The following PTPRD variants were observed in gnomAD, a reference collection of about 807,000 sequenced individuals.
The protein encoded by PTPRD is receptor-type tyrosine-protein phosphatase delta.
PTPRD carries 34 observed loss-of-function variants against 214.5 expected under a neutral mutation model. The ratio of observed to expected loss-of-function variants is 0.16; its 90% confidence interval spans 0.12 to 0.21. The LOEUF (loss-of-function observed/expected upper bound fraction) is 0.21. PTPRD is among the 10% of genes least tolerant of loss of function. The pLI, the probability that PTPRD is intolerant of heterozygous loss-of-function variation, is 1.00. For missense variants in PTPRD, 2,545 were observed against 2,398.7 expected, an observed-to-expected ratio of 1.06 and a Z score of -1.27; for synonymous variants, 1,128 against 845.7, an observed-to-expected ratio of 1.33 and a Z score of -5.79.
At chr9:10,373,662 G>T (rs918821746) in intron 2 of PTPRD, among the ~76,000 whole-genome samples, 1 of 151,950 alleles carries the variant, frequency 6.6e-6, no homozygotes, top group African/African-American at 2.4e-5. Context: ...GATGATCTTT[G>T]CCTCAATTTC....
rs1015873780 is a variant in PTPRD at position 9,902,211 on chromosome 9, A to G, written c.-368+36296T>C. ...TGTGTACGTGCATCAGCGCCCATGC[A>G]TGAATGTCTGTGCTCTCTATTTCTT... On this transcript the variant is annotated intron_variant, in intron 5 of 45. Transcript: ENST00000381196. Among the ~76,000 whole-genome samples, 22 of 127,830 alleles carry G rather than the reference A, an allele frequency of 1.7e-4. 1 individual carries two copies. Among genetic ancestry groups the G allele is most frequent in the Non-Finnish European group, 1.7e-5 (1 of 60,522 alleles). 83.9% of individuals were successfully genotyped at this position (127,830 alleles called of 152,430 possible).
intron 8 of PTPRD, among the ~76,000 whole-genome samples, chr9:9,561,507 G>A (rs998397498): frequency 2.0e-5 from 3 of 152,132 alleles, no homozygotes; most frequent in African/African-American, 7.2e-5. Context: ...AATGGCCACT[G>A]ATTTATCATC....
intron 5 of PTPRD, among the ~76,000 whole-genome samples, chr9:9,905,005 G>C (rs759767730): frequency 6.6e-6 from 1 of 151,924 alleles, no homozygotes; most frequent in Admixed American, 6.6e-5. Context: ...TCCTAAATAT[G>C]CAAATCAGTG....
intron 5 of PTPRD, among the ~76,000 whole-genome samples, chr9:9,831,123 T>C (rs1565594864): frequency 6.6e-6 from 1 of 151,904 alleles, no homozygotes; most frequent in African/African-American, 2.4e-5. Flanking sequence ...GTAGCACTGA[T>C]GTCGTCATTA....
At chr9:9,121,563 A>C (rs888613792) in intron 10 of PTPRD, among the ~76,000 whole-genome samples, 1 of 152,174 alleles carries the variant, frequency 6.6e-6, no homozygotes, top group Non-Finnish European at 1.5e-5. Flanking sequence ...AAGTGAAGTA[A>C]CTCAAGAATG....
At chr9:10,079,215 G>A (rs1303066934) in intron 3 of PTPRD, among the ~76,000 whole-genome samples, 1 of 152,050 alleles carries the variant, frequency 6.6e-6, no homozygotes, top group East Asian at 1.9e-4. Context: ...ATGTTTCCAG[G>A]TTAAGGTTGT....
chr9:8,886,225 A>G (rs947148094), intron 11 of PTPRD, among the ~76,000 whole-genome samples: 1 of 152,166 alleles, frequency 6.6e-6, no homozygotes, highest in African/African-American at 2.4e-5. Flanking sequence ...TTTCATACAG[A>G]TGTTCAGTGT....
chr9:8,425,969 A>G (rs2094637797), intron 35 of PTPRD, among the ~76,000 whole-genome samples: 1 of 152,216 alleles, frequency 6.6e-6, no homozygotes, highest in African/African-American at 2.4e-5. Context: ...AGTTCTTCAT[A>G]ATTACCCTCC....
At chr9:9,851,004 C>T (rs1423031157) in intron 5 of PTPRD, among the ~76,000 whole-genome samples, 11 of 152,126 alleles carry the variant, frequency 7.2e-5, no homozygotes, top group South Asian at 6.2e-4. Context: ...CACCTGCTAG[C>T]TATGTGATTT....
At chr9:9,482,351 C>G (rs73641304) in intron 8 of PTPRD, among the ~76,000 whole-genome samples, 134 of 152,250 alleles carry the variant, frequency 8.8e-4, no homozygotes, top group African/African-American at 3.0e-3. Flanking sequence ...TACTTTGATT[C>G]AACAATATCT....
chr9:9,705,135 T>C (rs1395211019), intron 7 of PTPRD, among the ~76,000 whole-genome samples: 3 of 152,190 alleles, frequency 2.0e-5, no homozygotes, highest in African/African-American at 7.2e-5. Flanking sequence ...TCATCCTACA[T>C]ACTTGGCTGA....
chr9:9,517,636 TTACAAAGTATAACAAATGA>T (rs1201417394), intron 8 of PTPRD, among the ~76,000 whole-genome samples: 4 of 152,066 alleles, frequency 2.6e-5, no homozygotes, highest in Admixed American at 2.6e-4. Flanking sequence ...AGAATCCAAT[TTACAAAGTATAACAAATGA>T]GGTCATATTG....
In PTPRD at chr9:10,184,586, G is replaced by A. The variant is rs144947053; in HGVS notation, c.-544-150796C>T. Among the ~76,000 whole-genome samples, 360 of 152,210 alleles carry A rather than the reference G, an allele frequency of 2.4e-3. 1 individual carries two copies. Among genetic ancestry groups the A allele is most frequent in the African/African-American group, 8.3e-3 (345 of 41,534 alleles). On this transcript the variant is annotated intron_variant, in intron 3 of 45. Transcript: ENST00000381196. ...GGTAAACGTTTGTTATACTTTGATA[G>A]CAATTCGTTATTTAAATAAAGGTTT...
At chr9:8,353,928 GTGTGTGTACATATATATATATATATATA>G (rs2076286583) in intron 39 of PTPRD, among the ~76,000 whole-genome samples, 1 of 105,884 alleles carries the variant, frequency 9.4e-6, no homozygotes, top group African/African-American at 4.9e-5. Context: ...GTATATATAT[GTGTGTGTACATATATATATATATATATA>G]TATATATGTT....
chr9:10,034,387 T>G (rs897788750), intron 3 of PTPRD, among the ~76,000 whole-genome samples: 6 of 150,282 alleles, frequency 4.0e-5, no homozygotes, highest in Non-Finnish European at 8.9e-5. Context: ...TCTCGCACTC[T>G]GTCTCAGCTC....
intron 12 of PTPRD, among the ~76,000 whole-genome samples, chr9:8,703,542 T>C (rs1280902837): frequency 1.3e-5 from 2 of 152,186 alleles, no homozygotes; most frequent in African/African-American, 2.4e-5. Context: ...GCATGCGGCC[T>C]CTAGGACACA....
chr9:10,466,419 T>C (rs1170221775), intron 2 of PTPRD, among the ~76,000 whole-genome samples: 4 of 151,176 alleles, frequency 2.6e-5, no homozygotes, highest in Admixed American at 2.6e-4. Context: ...AAGTCGGGAG[T>C]TCGAGACCAG....
chr9:9,738,439 C>CTTTTTTTTTTTTTTTTTTTTTTT lies in PTPRD; in HGVS notation c.-325-3869_-325-3868insAAAAAAAAAAAAAAAAAAAAAAA, dbSNP rs71319292. Among the ~76,000 whole-genome samples, 2 of 76,518 alleles carry CTTTTTTTTTTTTTTTTTTTTTTT rather than the reference C, an allele frequency of 2.6e-5. 1 individual carries two copies. The highest frequency in any genetic ancestry group is 4.5e-5 in the Non-Finnish European group (2 of 44,316). 50.2% of individuals were successfully genotyped at this position (76,518 alleles called of 152,430 possible). On this transcript the variant is annotated intron_variant, in intron 6 of 45. Transcript: ENST00000381196. ...TGTATTAAAATTCTTCACTCACTCA[C>CTTTTTTTTTTTTTTTTTTTTTTT]TTTTTTTTTTTTTTTTTTTTTTGAG...
intron 11 of PTPRD, among the ~76,000 whole-genome samples, chr9:8,811,112 A>G (rs1233804331): frequency 6.6e-6 from 1 of 152,192 alleles, no homozygotes; most frequent in Non-Finnish European, 1.5e-5. Flanking sequence ...TTACGGCACA[A>G]AAAGCAACTA....
Sources: allele counts gnomAD v4.1 joint callset (sites outside exome capture counted in the v4.1 genomes callset), GRCh38; gene constraint gnomAD v4.1.1; transcripts MANE v1.5; gene names NCBI Gene and HGNC (gene_info 2026-07-23, HGNC 2026-07-21).